The following PDE3A variants were observed in gnomAD, a reference collection of about 807,000 sequenced individuals.
PDE3A encodes the protein phosphodiesterase 3A.
In PDE3A, 43 loss-of-function variants were observed where a neutral mutation model predicts 98.3. The observed-to-expected ratio is 0.44, with a 90% confidence interval of 0.34 to 0.56. PDE3A has a LOEUF of 0.56. Ranked by LOEUF, PDE3A falls within the 20% of genes least tolerant of loss-of-function variation. PDE3A has a pLI of 0.01. For missense variants in PDE3A, 1,427 were observed against 1,440.7 expected (o/e 0.99, Z 0.15); for synonymous variants, 663 against 567.9 (o/e 1.17, Z -2.38).
intron 2 of PDE3A, among the ~76,000 whole-genome samples, chr12:20,579,569 C>A (rs1003749688): frequency 2.0e-5 from 3 of 152,126 alleles, no homozygotes; most frequent in African/African-American, 7.2e-5. Context: ...CGAAATATTG[C>A]AGACAGCAGT....
chr12:20,633,198 G>A (rs1944421525), intron 6 of PDE3A, among the ~76,000 whole-genome samples: 1 of 152,120 alleles, frequency 6.6e-6, no homozygotes, highest in Admixed American at 6.6e-5. Context: ...TGGTCCACCT[G>A]CCTTGGCCTC....
chr12:20,682,033 A>G lies in PDE3A; in HGVS notation c.*1762A>G, dbSNP rs1028119096. On this transcript the variant is annotated 3_prime_UTR_variant, in exon 16 of 16. Coordinates refer to ENST00000359062, the MANE Select transcript of PDE3A (RefSeq NM_000921.5). Reference sequence around the variant, plus strand: ...TTTGCATGGAGGTCGATGGACAACCAATCATCTACCTTTTCTAATTTAAAT... The same window carrying G: ...TTTGCATGGAGGTCGATGGACAACCGATCATCTACCTTTTCTAATTTAAAT... The G allele has an allele frequency of 6.6e-6, 1 of 152,348 alleles. No homozygotes were observed. Among genetic ancestry groups the G allele is most frequent in the Non-Finnish European group, 1.5e-5 (1 of 68,040 alleles). The allele number at this position is 152,348 out of a possible 1,614,324, so 9.4% of individuals were successfully genotyped here. A position where few individuals can be genotyped will look rare whatever the true frequency, so the allele number is the denominator to read the frequency against.
At position 20,604,062 on chromosome 12, in the gene PDE3A, G is replaced by A. The variant is rs528959320; in HGVS notation, c.1012-9381G>A. ...CGCATGCCTGGGGTCCTAGCTATTC[G>A]GGAGGCTGAGGCAGGAGAATTGCTT... On this transcript the variant is annotated intron_variant, in intron 2 of 15. Transcript: ENST00000359062. Among the ~76,000 whole-genome samples, 311 of 152,094 alleles carry A rather than the reference G, an allele frequency of 2.0e-3. 2 individuals carry two copies. The highest frequency in any genetic ancestry group is 5.2e-3 in the African/African-American group (214 of 41,476).
chr12:20,451,490 T>C (rs367601166), intron 1 of PDE3A, among the ~76,000 whole-genome samples: 304 of 152,242 alleles, frequency 2.0e-3, no homozygotes, highest in African/African-American at 7.1e-3. Context: ...GCCAGGCTGG[T>C]CTCAAACTCC....
intron 1 of PDE3A, among the ~76,000 whole-genome samples, chr12:20,513,066 T>A (rs529933229): frequency 1.3e-5 from 2 of 152,104 alleles, no homozygotes; most frequent in Non-Finnish European, 2.9e-5. Flanking sequence ...CCTGCTCCTC[T>A]TCTGCCTATA....
At chr12:20,500,829 G>A (rs1325151389) in intron 1 of PDE3A, among the ~76,000 whole-genome samples, 4 of 147,948 alleles carry the variant, frequency 2.7e-5, no homozygotes, top group African/African-American at 1.0e-4. Context: ...GTACAGTGGC[G>A]CCATCTCAGC....
intron 5 of PDE3A, among the ~76,000 whole-genome samples, chr12:20,621,995 G>A (rs1270963468): frequency 6.6e-6 from 1 of 152,066 alleles, no homozygotes. Flanking sequence ...GAACCTGGGA[G>A]ATTTCCTCTG....
intron 1 of PDE3A, among the ~76,000 whole-genome samples, chr12:20,438,716 T>C (rs1944818263): frequency 6.6e-6 from 1 of 152,012 alleles, no homozygotes. Context: ...TTTCAATCAC[T>C]GAGCCAGACC....
chr12:20,385,621 G>A (rs950897433), intron 1 of PDE3A, among the ~76,000 whole-genome samples: 4 of 151,636 alleles, frequency 2.6e-5, no homozygotes, highest in Admixed American at 2.0e-4. Context: ...AAAAAATGAT[G>A]AGTTCATATC....
Position 20,581,691 on chromosome 12 carries a change from C to A in PDE3A, c.1011+24981C>A, listed in dbSNP as rs1943070954. ...ACAGTGGCACGATCTCGGCTCACTGCAAGCTCCGCCTCCCGGGTTCACGCC... is the reference window on the plus strand; with the variant it reads ...ACAGTGGCACGATCTCGGCTCACTGAAAGCTCCGCCTCCCGGGTTCACGCC... On this transcript the variant is annotated intron_variant, in intron 2 of 15. Transcript: ENST00000359062. 2.0e-5 allele frequency among the ~76,000 whole-genome samples: 3 copies of A among 148,598 alleles called. No individual in the cohort carries two copies. The South Asian group carries it at 6.4e-4, about 31-fold the overall frequency.
At position 20,648,663 on chromosome 12, in the gene PDE3A, A is replaced by T. The variant is rs750893142; in HGVS notation, c.2566-25A>T. ...TGTGATTATTTTCTTAAAAAGTTGA[A>T]CTCTTAACTGTCTTATTTGCCTAGG... On this transcript the variant is annotated intron_variant, in intron 12 of 15. Transcript: ENST00000359062. The T allele has an allele frequency of 4.6e-5, 67 of 1,443,850 alleles. No individual in the cohort carries two copies. In the East Asian group the frequency reaches 1.5e-3, roughly 32 times the overall value. The allele number at this position is 1,443,850 out of a possible 1,614,324, so 89.4% of individuals were successfully genotyped here.
chr12:20,455,148 G>A (rs552452149), intron 1 of PDE3A, among the ~76,000 whole-genome samples: 10 of 152,112 alleles, frequency 6.6e-5, no homozygotes, highest in Non-Finnish European at 1.2e-4. Context: ...TTTTAATAAT[G>A]GTCATTCTGA....
chr12:20,623,936 A>C (rs943411814), intron 5 of PDE3A, among the ~76,000 whole-genome samples: 1 of 152,162 alleles, frequency 6.6e-6, no homozygotes, highest in Admixed American at 6.6e-5. Flanking sequence ...CATAAATAAT[A>C]GTATTTCCAG....
intron 1 of PDE3A, among the ~76,000 whole-genome samples, chr12:20,440,427 C>G (rs1012651758): frequency 1.9e-4 from 29 of 152,120 alleles, no homozygotes; most frequent in Admixed American, 1.8e-3. Context: ...CAAAATTATT[C>G]TCCAAGTCCC....
Position 20,682,729 on chromosome 12 carries a change from A to C in PDE3A, c.*2458A>C, listed in dbSNP as rs898523783. ...TTTCTTTCCTTGCAATTAAGGGGAAAAAAGCATTTATCTTATCTTCTCATA... is the reference window on the plus strand; with the variant it reads ...TTTCTTTCCTTGCAATTAAGGGGAACAAAGCATTTATCTTATCTTCTCATA... On this transcript the variant is annotated 3_prime_UTR_variant, in exon 16 of 16. Transcript: ENST00000359062. 1 of 152,206 alleles carries C rather than the reference A, an allele frequency of 6.6e-6. No homozygotes were observed. The highest frequency in any genetic ancestry group is 2.4e-5 in the African/African-American group (1 of 41,456). 9.4% of individuals were successfully genotyped at this position (152,206 alleles called of 1,614,324 possible).
intron 1 of PDE3A, among the ~76,000 whole-genome samples, chr12:20,474,275 G>C (rs1358290286): frequency 6.6e-6 from 1 of 151,878 alleles, no homozygotes; most frequent in Admixed American, 6.6e-5. Flanking sequence ...TATTATTGTT[G>C]GTTTGTCTTC....
chr12:20,630,124 G>A lies in PDE3A; in HGVS notation c.1757G>A (p.Ser586Asn). 6.3e-7 allele frequency: 1 copy of A among 1,593,600 alleles called. No homozygotes were observed. The highest frequency in any genetic ancestry group is 1.7e-5 in the Admixed American group (1 of 59,972). Residue 586 changes from serine to asparagine, a missense_variant, in exon 6 of 16, where the codon AGC becomes AAC. By Grantham distance (46) the Ser-to-Asn change is conservative. Coordinates refer to ENST00000359062, the MANE Select transcript of PDE3A (RefSeq NM_000921.5). ...PQILTPPVIC[S>N]SCGRPYSQGN... ...ATCCTGACTCCACCTGTTATATGTA[G>A]CAGGTAAGGATTTTTTATGAACTGA... is the stretch of plus-strand genomic sequence containing the variant.
chr12:20,634,683 G>C (rs1006209296), intron 7 of PDE3A, among the ~76,000 whole-genome samples: 10 of 152,134 alleles, frequency 6.6e-5, no homozygotes, highest in African/African-American at 2.4e-4. Context: ...AGGGGTTATT[G>C]AATGTCATGC....
rs4265636 is a variant in PDE3A, at chr12:20,633,853, T to C, written c.1846+75T>C. 1 allele frequency: 812,059 copies of C among 815,216 alleles called. 404,529 individuals are homozygous for C. The highest frequency in any genetic ancestry group is 1 in the East Asian group (37,810 of 37,812). 50.5% of individuals were successfully genotyped at this position (815,216 alleles called of 1,614,324 possible). On this transcript the variant is annotated intron_variant, in intron 7 of 15. Coordinates refer to ENST00000359062, the MANE Select transcript of PDE3A (RefSeq NM_000921.5). ...TTTGTTTTCCTGATCAAAACAGTGATCTACATTTCTGATATTTTGTGGGGC... is the reference window on the plus strand; with the variant it reads ...TTTGTTTTCCTGATCAAAACAGTGACCTACATTTCTGATATTTTGTGGGGC...
Sources: allele counts gnomAD v4.1 joint callset (sites outside exome capture counted in the v4.1 genomes callset), GRCh38; gene constraint gnomAD v4.1.1; transcripts MANE v1.5; gene names NCBI Gene and HGNC (gene_info 2026-07-23, HGNC 2026-07-21).